RAP1GDS1: variants seen among roughly 807,000 people sequenced by gnomAD.
RAP1GDS1 encodes Rap1 GTPase-GDP dissociation stimulator 1, also known as RAP1, GTP-GDP dissociation stimulator 1.
Under a neutral mutation model 71.1 loss-of-function variants are expected in RAP1GDS1, and 35 were observed. The observed-to-expected ratio is 0.49, with a 90% CI of 0.38 to 0.65. The LOEUF is 0.65. RAP1GDS1 is among the 30% of genes least tolerant of loss of function. RAP1GDS1 has a pLI of 0.00. For missense variants in RAP1GDS1, 663 were observed against 706.1 expected, an observed-to-expected ratio of 0.94 and a Z score of 0.69; for synonymous variants, 229 against 243.1, an observed-to-expected ratio of 0.94 and a Z score of 0.54.
chr4:98,414,140 G>C (rs1289643818), intron 7 of RAP1GDS1, among the ~76,000 whole-genome samples: 1 of 145,318 alleles, frequency 6.9e-6, no homozygotes, highest in Non-Finnish European at 1.5e-5. Flanking sequence ...AGTAGGTTGC[G>C]AAAATTTTCT....
intron 13 of RAP1GDS1, among the ~76,000 whole-genome samples, chr4:98,436,077 AAAATATATAT>A (rs1034396480): frequency 5.6e-5 from 8 of 143,682 alleles, no homozygotes; most frequent in African/African-American, 1.9e-4. Context: ...TCTCAAAAAA[AAAATATATAT>A]ATATATATAT....
At chr4:98,408,212 CA>C (rs1746444019) in intron 7 of RAP1GDS1, among the ~76,000 whole-genome samples, 1 of 152,020 alleles carries the variant, frequency 6.6e-6, no homozygotes. Context: ...ATGCAGCCTC[CA>C]TCTCCGAGGT....
chr4:98,433,125 A>G (rs568396887), intron 12 of RAP1GDS1, among the ~76,000 whole-genome samples: 1 of 152,250 alleles, frequency 6.6e-6, no homozygotes, highest in South Asian at 2.1e-4. Flanking sequence ...ACCATGAGAA[A>G]TGAGGGCAGA....
At chr4:98,262,020 C>G (rs1722074061) in intron 1 of RAP1GDS1, among the ~76,000 whole-genome samples, 1 of 152,244 alleles carries the variant, frequency 6.6e-6, no homozygotes, top group Non-Finnish European at 1.5e-5. Context: ...GCGACCTTTC[C>G]CCGTCGTGGA....
At chr4:98,326,080 C>G (rs1288773544) in intron 2 of RAP1GDS1, among the ~76,000 whole-genome samples, 1 of 152,162 alleles carries the variant, frequency 6.6e-6, no homozygotes, top group African/African-American at 2.4e-5. Flanking sequence ...GTAACAATCA[C>G]AGTTTTCTCC....
chr4:98,357,102 T>C (rs569130933), intron 4 of RAP1GDS1, among the ~76,000 whole-genome samples: 4 of 152,070 alleles, frequency 2.6e-5, no homozygotes, highest in Non-Finnish European at 4.4e-5. Flanking sequence ...AGACATACTT[T>C]GAAATTGCCA....
At chr4:98,419,841 GAC>G (rs1748557344) in intron 10 of RAP1GDS1, among the ~76,000 whole-genome samples, 176 bp from the exon 11 acceptor site, 1 of 152,060 alleles carries the variant, frequency 6.6e-6, no homozygotes, top group Non-Finnish European at 1.5e-5. Context: ...ATAGGATACG[GAC>G]ACACACATAA....
intron 12 of RAP1GDS1, among the ~76,000 whole-genome samples, chr4:98,421,907 C>G (rs1322653882): frequency 6.6e-6 from 1 of 152,036 alleles, no homozygotes; most frequent in Admixed American, 6.5e-5. Context: ...TTTTTAAATA[C>G]TGTTTTCTTG....
chr4:98,322,015 C>T (rs1365437613), intron 2 of RAP1GDS1, among the ~76,000 whole-genome samples: 4 of 26,026 alleles, frequency 1.5e-4, no homozygotes, highest in Non-Finnish European at 3.2e-4. Context: ...GTGCTGTATT[C>T]AGGAAACCCA....
At chr4:98,284,373 C>G (rs1425276280) in intron 1 of RAP1GDS1, among the ~76,000 whole-genome samples, 1 of 151,904 alleles carries the variant, frequency 6.6e-6, no homozygotes, top group Non-Finnish European at 1.5e-5. Context: ...TTTTTCAACC[C>G]CAAGTAATTT....
chr4:98,442,903 A>T lies in RAP1GDS1; in HGVS notation c.*786A>T, dbSNP rs1293558933. Reference sequence around the variant, plus strand: ...TTCTGATACATACGCTGTTTCACTCAGGAACTACTTCTACCAGTTAATCAG... The same window carrying T: ...TTCTGATACATACGCTGTTTCACTCTGGAACTACTTCTACCAGTTAATCAG... On this transcript the variant is annotated 3_prime_UTR_variant, in exon 15 of 15. Coordinates refer to ENST00000408927, the MANE Select transcript of RAP1GDS1 (RefSeq NM_001100427.2). 2 of 231,572 alleles carry T rather than the reference A, an allele frequency of 8.6e-6. No homozygotes were observed. The highest frequency in any genetic ancestry group is 1.7e-5 in the Non-Finnish European group (2 of 117,142). The allele number at this position is 231,572 out of a possible 1,614,324, so 14.3% of individuals were successfully genotyped here.
At chr4:98,346,133 A>T (rs1256287100) in intron 3 of RAP1GDS1, among the ~76,000 whole-genome samples, 1 of 152,206 alleles carries the variant, frequency 6.6e-6, no homozygotes, top group African/African-American at 2.4e-5. Flanking sequence ...GCTGATGAGT[A>T]TAAAGCTTGA....
intron 4 of RAP1GDS1, among the ~76,000 whole-genome samples, chr4:98,364,873 A>G (rs1356193387): frequency 6.6e-6 from 1 of 151,944 alleles, no homozygotes; most frequent in Non-Finnish European, 1.5e-5. Flanking sequence ...ACAAAAAAGT[A>G]AAAGAATTAG....
At chr4:98,288,197 A>C (rs1478912207) in intron 1 of RAP1GDS1, among the ~76,000 whole-genome samples, 1 of 151,992 alleles carries the variant, frequency 6.6e-6, no homozygotes, top group African/African-American at 2.4e-5. Flanking sequence ...CCATCCCACA[A>C]CAGGCCCCAG....
chr4:98,413,895 T>C (rs1397771185), intron 7 of RAP1GDS1, among the ~76,000 whole-genome samples: 1 of 151,838 alleles, frequency 6.6e-6, no homozygotes, highest in Admixed American at 6.6e-5. Context: ...TTTCCTGACT[T>C]TTTAATGATT....
chr4:98,372,628 G>A (rs1740562205), intron 4 of RAP1GDS1, among the ~76,000 whole-genome samples: 1 of 152,040 alleles, frequency 6.6e-6, no homozygotes. Flanking sequence ...AATCTTTTAT[G>A]CTTCTGTTTT....
intron 2 of RAP1GDS1, among the ~76,000 whole-genome samples, chr4:98,295,415 A>G (rs1727593784): frequency 6.6e-6 from 1 of 152,116 alleles, no homozygotes; most frequent in African/African-American, 2.4e-5. Flanking sequence ...ACTACTGACA[A>G]AGAAGAATTG....
At chr4:98,375,488 TTACTC>T (rs1309405545) in intron 4 of RAP1GDS1, among the ~76,000 whole-genome samples, 2 of 152,102 alleles carry the variant, frequency 1.3e-5, no homozygotes, top group Non-Finnish European at 2.9e-5. Context: ...CTCAAAAACA[TTACTC>T]ATATCAGTAA....
intron 4 of RAP1GDS1, among the ~76,000 whole-genome samples, chr4:98,373,780 A>G (rs778763419): frequency 5.2e-4 from 79 of 152,230 alleles, no homozygotes; most frequent in Non-Finnish European, 5.9e-5. Flanking sequence ...TACAATAACT[A>G]ATAGAACAGT....
Sources: gnomAD v4.1 joint callset for allele counts (sites outside exome capture counted in the v4.1 genomes callset) on GRCh38, gnomAD v4.1.1 for gene constraint, MANE v1.5 for transcripts, NCBI Gene and HGNC (gene_info 2026-07-23, HGNC 2026-07-21) for gene names.